The following TAFAZZIN variants were observed in gnomAD, a reference collection of about 807,000 sequenced individuals.
TAFAZZIN encodes protein G4.5.
A neutral mutation model predicts 27.3 loss-of-function variants in TAFAZZIN; 6 were observed. The observed-to-expected ratio is 0.22, with a 90% CI of 0.12 to 0.43. TAFAZZIN has a LOEUF of 0.43. TAFAZZIN is among the 20% of genes least tolerant of loss of function. TAFAZZIN has a pLI of 1.00. For synonymous variants in TAFAZZIN, 79 were observed against 96.2 expected (o/e 0.82, Z 1.04); for missense variants, 127 against 244.5 (o/e 0.52, Z 3.21).
chrX:154,415,753 C>A (rs113414430), intron 5 of TAFAZZIN, among the ~76,000 whole-genome samples: 1 of 107,076 alleles, frequency 9.3e-6, no homozygotes, highest in Admixed American at 1.0e-4. Flanking sequence ...TGGTGGCGCA[C>A]GCCTGTAATC....
At chrX:154,413,090 C>T in intron 2 of TAFAZZIN, 117 bp from the exon 3 acceptor site, 1 of 1,060,004 alleles carries the variant, frequency 9.4e-7, no homozygotes, top group Non-Finnish European at 1.3e-6. Flanking sequence ...AAAGATGCCA[C>T]TTTGGGCTGT....
intron 5 of TAFAZZIN, among the ~76,000 whole-genome samples, chrX:154,416,019 G>A (rs35324253): frequency 1.8e-5 from 2 of 110,740 alleles, no homozygotes; most frequent in Admixed American, 1.9e-4. Flanking sequence ...AGTACTTTGC[G>A]AGGCCGAGGC....
intron 5 of TAFAZZIN, 88 bp downstream of exon 5, chrX:154,414,278 C>A: frequency 1.4e-6 from 1 of 719,944 alleles, no homozygotes; most frequent in Non-Finnish European, 2.2e-6. Context: ...GAGTTTGAGA[C>A]CAGCCTGGGC....
intron 5 of TAFAZZIN, among the ~76,000 whole-genome samples, chrX:154,414,503 T>G (rs1557192158): frequency 9.8e-6 from 1 of 102,503 alleles, no homozygotes; most frequent in Non-Finnish European, 2.0e-5. Flanking sequence ...CCATCCTGGC[T>G]AACACGGTGA....
rs782746355 is a variant in TAFAZZIN, at chrX:154,420,904, T to G, written c.779T>G (p.Val260Gly). 2.7e-5 allele frequency: 33 copies of G among 1,207,481 alleles called. No individual in the cohort carries two copies. Among genetic ancestry groups the G allele is most frequent in the Non-Finnish European group, 3.4e-5 (30 of 893,755 alleles). The change falls in exon 11 of 11, where the codon GTG becomes GGG. Residue 260 changes from valine (V) to glycine (G), a missense_variant and splice_region_variant. Coordinates refer to ENST00000601016, the MANE Select transcript of TAFAZZIN (RefSeq NM_000116.5). ...ERLRAENKSA[V>G]EMRKALTDFI... ...GCCATCCCTGGTCCTTTCCCTCAGG[T>G]GGAGATGCGGAAAGCCCTGACGGAC...
In TAFAZZIN at chrX:154,411,737, G is replaced by A. The variant is rs1557190593; in HGVS notation, c.-107G>A. The A allele has an allele frequency of 1.3e-6, 1 of 774,972 alleles. No individual in the cohort carries two copies. Among genetic ancestry groups the A allele is most frequent in the Admixed American group, 2.6e-5 (1 of 37,970 alleles). 63.9% of individuals were successfully genotyped at this position (774,972 alleles called of 1,213,427 possible). On this transcript the variant is annotated 5_prime_UTR_variant, in exon 1 of 11. Coordinates refer to ENST00000601016, the MANE Select transcript of TAFAZZIN (RefSeq NM_000116.5). ...GCGCCGCGCCCCCGTCCGTCCGTGCGCGGGCCAGTCAGGGGCCAGTGTCTC... is the reference window on the plus strand; with the variant it reads ...GCGCCGCGCCCCCGTCCGTCCGTGCACGGGCCAGTCAGGGGCCAGTGTCTC...
chrX:154,421,705 T>C lies in TAFAZZIN; in HGVS notation c.*701T>C. 3.0e-6 allele frequency: 1 copy of C among 329,492 alleles called. No homozygotes were observed. Among genetic ancestry groups the C allele is most frequent in the Non-Finnish European group, 5.9e-6 (1 of 170,000 alleles). The allele number at this position is 329,492 out of a possible 1,213,427, so 27.2% of individuals were successfully genotyped here. A position where few individuals can be genotyped will look rare whatever the true frequency, so the allele number is the denominator to read the frequency against. On this transcript the variant is annotated 3_prime_UTR_variant, in exon 11 of 11. Coordinates refer to ENST00000601016, the MANE Select transcript of TAFAZZIN (RefSeq NM_000116.5). ...GTTTTTGAAACAGAACCATAAAGCATATGTGTTGGCTTGTTGTAAAATGTC... is the reference window on the plus strand; with the variant it reads ...GTTTTTGAAACAGAACCATAAAGCACATGTGTTGGCTTGTTGTAAAATGTC...
intron 2 of TAFAZZIN, chrX:154,412,988 G>A (rs2068362131): frequency 2.1e-6 from 1 of 471,415 alleles, no homozygotes. Context: ...TGTTGGGGAG[G>A]TAGGCAGTCC....
Position 154,411,697 on chromosome X carries a change from G to A in TAFAZZIN, c.-147G>A. The A allele has an allele frequency of 1.8e-6, 1 of 558,560 alleles. No individual in the cohort carries two copies. Among genetic ancestry groups the A allele is most frequent in the Non-Finnish European group, 2.9e-6 (1 of 339,259 alleles). The allele number at this position is 558,560 out of a possible 1,213,427, so 46.0% of individuals were successfully genotyped here. On this transcript the variant is annotated 5_prime_UTR_variant, in exon 1 of 11. Coordinates refer to ENST00000601016, the MANE Select transcript of TAFAZZIN (RefSeq NM_000116.5). ...CGGCCTGACCTGCGAAGGGACCTCGGTCCAGTCCCCTGTTGCGCCGCGCCC... is the reference window on the plus strand; with the variant it reads ...CGGCCTGACCTGCGAAGGGACCTCGATCCAGTCCCCTGTTGCGCCGCGCCC...
chrX:154,412,021 G>T (rs782506570), intron 1 of TAFAZZIN, 65 bp from the exon 2 acceptor site: 12 of 1,204,529 alleles, frequency 1.0e-5, no homozygotes, highest in Non-Finnish European at 1.3e-5. Flanking sequence ...GACTTAGGGT[G>T]GGGGACGCCG....
intron 5 of TAFAZZIN, among the ~76,000 whole-genome samples, chrX:154,418,100 T>A (rs974308729): frequency 3.6e-5 from 4 of 112,063 alleles, no homozygotes; most frequent in African/African-American, 9.7e-5. Flanking sequence ...TATTATTTTT[T>A]AAATTCCAGT....
chrX:154,414,990 G>GAA (rs1160162016), intron 5 of TAFAZZIN, among the ~76,000 whole-genome samples: 4 of 72,729 alleles, frequency 5.5e-5, no homozygotes, highest in Admixed American at 1.6e-4. Context: ...ACTCCGTCTG[G>GAA]AAAAAAAAAA....
intron 5 of TAFAZZIN, among the ~76,000 whole-genome samples, chrX:154,416,434 C>CA (rs1244460521): frequency 1.5e-3 from 121 of 83,117 alleles, no homozygotes; most frequent in East Asian, 7.8e-3. Flanking sequence ...GACTCCGTCT[C>CA]AAAAAAAAAA....
chrX:154,419,914 T>C, intron 7 of TAFAZZIN, 118 bp from the exon 8 acceptor site: 1 of 1,104,677 alleles, frequency 9.1e-7, no homozygotes, highest in Non-Finnish European at 1.3e-6. Context: ...CGCAGGGGCT[T>C]GCCCAAGGGA....
chrX:154,413,068 C>T (rs1317201981), intron 2 of TAFAZZIN, 139 bp from the exon 3 acceptor site: 1 of 828,343 alleles, frequency 1.2e-6, no homozygotes, highest in Non-Finnish European at 1.8e-6. Context: ...AATGATCTGG[C>T]CTAAGGGTCT....
At chrX:154,419,063 C>T (rs2068555781) in intron 5 of TAFAZZIN, 2 of 151,258 alleles carry the variant, frequency 1.3e-5, no homozygotes, top group Non-Finnish European at 2.6e-5. Flanking sequence ...GGTCGGCTGG[C>T]AGCCAGGGCC....
intron 5 of TAFAZZIN, among the ~76,000 whole-genome samples, chrX:154,414,718 C>T (rs28706542): frequency 0.19 from 19,240 of 102,705 alleles, 2,207 homozygotes; most frequent in African/African-American, 0.4. Flanking sequence ...GTGCCGGCCA[C>T]GGTGGCTCAT....
In TAFAZZIN at chrX:154,420,107, A is replaced by G; in HGVS notation, c.646+13A>G. 8.3e-7 allele frequency: 1 copy of G among 1,211,160 alleles called. No individual in the cohort carries two copies. ...CTGTGGCATGTCGGTGAGCCTGGGG[A>G]CGGGGACAGAGAGATGGCATCTGGG... is the stretch of plus-strand genomic sequence containing the variant. On this transcript the variant is annotated intron_variant, in intron 8 of 10. Coordinates refer to ENST00000601016, the MANE Select transcript of TAFAZZIN (RefSeq NM_000116.5).
rs781935358 is a variant in TAFAZZIN, at chrX:154,412,081, G to T, written c.110-5G>T. On this transcript the variant is annotated splice_polypyrimidine_tract_variant and splice_region_variant and intron_variant, in intron 1 of 10. Coordinates refer to ENST00000601016, the MANE Select transcript of TAFAZZIN (RefSeq NM_000116.5). ...CGGAGCGCCTGACTTCTCCTTCCCC[G>T]CCAGAGTACATGAACCACCTGACCG... 1 of 1,210,303 alleles carries T rather than the reference G, an allele frequency of 8.3e-7. No individual in the cohort carries two copies. The highest frequency in any genetic ancestry group is 2.2e-5 in the Admixed American group (1 of 46,013).
Sources: gnomAD v4.1 joint callset for allele counts (sites outside exome capture counted in the v4.1 genomes callset) on GRCh38, gnomAD v4.1.1 for gene constraint, MANE v1.5 for transcripts, NCBI Gene and HGNC (gene_info 2026-07-23, HGNC 2026-07-21) for gene names.